The following IQSEC1 variants were observed in gnomAD, a reference collection of about 807,000 sequenced individuals.
IQSEC1 encodes IQ motif and SEC7 domain-containing protein 1.
IQSEC1 carries 31 observed loss-of-function variants against 91.0 expected under a neutral mutation model. The ratio of observed to expected loss-of-function variants is 0.34; its 90% CI spans 0.26 to 0.46. IQSEC1 has a LOEUF of 0.46. Among genes scored for constraint, IQSEC1 ranks in the 20% least tolerant of loss-of-function variants. The pLI is 1.00. For missense variants in IQSEC1, 1,388 were observed against 1,575.6 expected (o/e 0.88, Z 2.02); for synonymous variants, 699 against 662.6 (o/e 1.05, Z -0.84).
intron 1 of IQSEC1, among the ~76,000 whole-genome samples, chr3:13,167,166 G>A (rs973069620): frequency 1.4e-4 from 21 of 152,216 alleles, no homozygotes; most frequent in African/African-American, 4.8e-4. Flanking sequence ...GAGCCTTCTC[G>A]TTCCTGCAGA....
Position 12,908,539 on chromosome 3 carries a change from G to C in IQSEC1, c.2579-14C>G. On this transcript the variant is annotated splice_polypyrimidine_tract_variant and intron_variant, in intron 11 of 13. Transcript: ENST00000613206. The surrounding 1 kb of genome is among the most constrained non-coding windows in gnomAD (Gnocchi z 4.9). ...TCTCGAGCTCCGCTGGAACAGAGAGGGTGAGGGTCCTGGTGAGAGGAGCAC... is the reference window on the plus strand; with the variant it reads ...TCTCGAGCTCCGCTGGAACAGAGAGCGTGAGGGTCCTGGTGAGAGGAGCAC... 6.2e-7 allele frequency: 1 copy of C among 1,613,436 alleles called. No homozygotes were observed. The highest frequency in any genetic ancestry group is 8.5e-7 in the Non-Finnish European group (1 of 1,180,002).
At chr3:13,046,514 C>G (rs1160171999) in intron 1 of IQSEC1, among the ~76,000 whole-genome samples, 4 of 152,202 alleles carry the variant, frequency 2.6e-5, no homozygotes, top group African/African-American at 9.7e-5. Context: ...CACGTGGGGC[C>G]CAGCCCTTGG....
chr3:13,031,296 G>A (rs1360237423), intron 1 of IQSEC1, among the ~76,000 whole-genome samples: 1 of 152,242 alleles, frequency 6.6e-6, no homozygotes, highest in African/African-American at 2.4e-5. Flanking sequence ...TGACAAGCCT[G>A]GGGGCAGGGA....
intron 1 of IQSEC1, among the ~76,000 whole-genome samples, chr3:13,046,305 G>A (rs942726562): frequency 5.3e-5 from 8 of 152,226 alleles, no homozygotes; most frequent in East Asian, 1.9e-4. Context: ...AGGTGACTGC[G>A]TGAGCGTGTC....
chr3:13,064,846 C>T (rs971609662), intron 1 of IQSEC1, among the ~76,000 whole-genome samples: 6 of 152,234 alleles, frequency 3.9e-5, no homozygotes, highest in African/African-American at 4.8e-5. Flanking sequence ...CTAGGCTGGC[C>T]CTGCTCCCAC....
intron 1 of IQSEC1, among the ~76,000 whole-genome samples, chr3:13,009,552 G>A (rs531940297): frequency 6.6e-6 from 1 of 151,846 alleles, no homozygotes; most frequent in East Asian, 1.9e-4. Context: ...GATGCCCGCA[G>A]CCCAAGTATA....
At chr3:13,108,787 C>A (rs987608837) in intron 2 of IQSEC1, among the ~76,000 whole-genome samples, 3 of 152,184 alleles carry the variant, frequency 2.0e-5, no homozygotes, top group Admixed American at 6.5e-5. Flanking sequence ...TAAGTCGCAA[C>A]CAGATAAGCA....
rs766222619 is a variant in IQSEC1, at chr3:12,941,721, C to T, written c.168G>A (p.Ser56=). ...HTSVGAYGLY[S]GPPGQQQRTR... ...TGCGCTGCTGTTGCCCCGGCGGCCC[C>T]GAGTACAGCCCATAGGCTCCCACTG... Residue 56 remains serine (S), a synonymous_variant, in exon 2 of 14, where the codon TCG becomes TCA. Transcript: ENST00000613206. 26 of 1,612,488 alleles carry T rather than the reference C, an allele frequency of 1.6e-5. No homozygotes were observed. Among genetic ancestry groups the T allele is most frequent in the Admixed American group, 5.0e-5 (3 of 60,010 alleles).
At chr3:12,987,309 G>C (rs531723017) in intron 1 of IQSEC1, among the ~76,000 whole-genome samples, 2 of 152,204 alleles carry the variant, frequency 1.3e-5, no homozygotes, top group Non-Finnish European at 2.9e-5. Flanking sequence ...GCCTTGTAGC[G>C]AGAGGTATGG....
At chr3:13,181,919 C>G (rs984678447) in intron 1 of IQSEC1, among the ~76,000 whole-genome samples, 1 of 152,236 alleles carries the variant, frequency 6.6e-6, no homozygotes, top group Non-Finnish European at 1.5e-5. Flanking sequence ...TCCCCAAGAG[C>G]AGTGACTGCT....
At chr3:13,246,065 T>A (rs149184436) in intron 1 of IQSEC1, among the ~76,000 whole-genome samples, 42 of 152,336 alleles carry the variant, frequency 2.8e-4, no homozygotes, top group African/African-American at 8.9e-4. Flanking sequence ...GTTTTCTCTT[T>A]CAGAAACTAT....
chr3:13,161,594 G>GC (rs974852021), intron 2 of IQSEC1, among the ~76,000 whole-genome samples: 3 of 150,746 alleles, frequency 2.0e-5, no homozygotes, highest in African/African-American at 7.5e-5. Flanking sequence ...TCAGCTGCAT[G>GC]GGAAGAAACA....
At chr3:13,273,504 C>T (rs1186725290) in intron 1 of IQSEC1, among the ~76,000 whole-genome samples, 1 of 152,226 alleles carries the variant, frequency 6.6e-6, no homozygotes. Context: ...TGGAGCCACT[C>T]CTTTGGTTCC....
intron 1 of IQSEC1, among the ~76,000 whole-genome samples, chr3:13,066,824 C>T (rs1244180289): frequency 6.6e-6 from 1 of 152,248 alleles, no homozygotes; most frequent in Non-Finnish European, 1.5e-5. Context: ...GGTCCATTTA[C>T]AGGCGTAGCC....
chr3:12,929,412 C>T (rs939765582), intron 3 of IQSEC1, among the ~76,000 whole-genome samples: 1 of 152,216 alleles, frequency 6.6e-6, no homozygotes, highest in African/African-American at 2.4e-5. Context: ...GACGAGATGG[C>T]ATTGAGCCTG....
At chr3:12,975,948 C>G (rs981950878) in intron 1 of IQSEC1, among the ~76,000 whole-genome samples, 1 of 152,240 alleles carries the variant, frequency 6.6e-6, no homozygotes, top group Non-Finnish European at 1.5e-5. Flanking sequence ...GCATCTGCCC[C>G]CCAACGGCTG....
chr3:13,153,451 T>C (rs1043485328), intron 2 of IQSEC1, among the ~76,000 whole-genome samples: 1 of 152,132 alleles, frequency 6.6e-6, no homozygotes, highest in Non-Finnish European at 1.5e-5. Context: ...GGGGCTGAAC[T>C]AGGGATAGTT....
intron 1 of IQSEC1, among the ~76,000 whole-genome samples, chr3:13,263,125 A>G (rs1695417312): frequency 6.6e-6 from 1 of 152,130 alleles, no homozygotes. Flanking sequence ...TGGTACATGC[A>G]TGTATTCCCT....
rs1281574144 is a variant in IQSEC1 at position 13,013,098 on chromosome 3, T to A, written c.23+59894A>T. On this transcript the variant is annotated intron_variant, in intron 1 of 13. Transcript: ENST00000613206. ...GCCTCAGCCTCCCAAGTAGCTGGGA[T>A]TACCGGCATGCGCCACCACGCCCGG... Among the ~76,000 whole-genome samples the A allele has an allele frequency of 2.7e-5, 3 of 113,188 alleles. No homozygotes were observed. The East Asian group carries it at 1.0e-3, about 39-fold the overall frequency. The allele number at this position is 113,188 out of a possible 152,430, so 74.3% of individuals were successfully genotyped here.
Sources: gnomAD v4.1 joint callset for allele counts (sites outside exome capture counted in the v4.1 genomes callset) on GRCh38, gnomAD v4.1.1 for gene constraint, Gnocchi (gnomAD v3.1) non-coding constraint, MANE v1.5 for transcripts, NCBI Gene and HGNC (gene_info 2026-07-23, HGNC 2026-07-21) for gene names.